The following PCDHA3 variants were observed in gnomAD, a reference collection of about 807,000 sequenced individuals.
PCDHA3 encodes the protein protocadherin alpha 3.
A neutral mutation model predicts 62.2 loss-of-function variants in PCDHA3; 41 were observed. That is an observed-to-expected ratio of 0.66 (90% CI 0.51 to 0.86). The LOEUF is 0.86. PCDHA3 is among the 40% of genes least tolerant of loss of function. PCDHA3 has a pLI of 0.00. For synonymous variants in PCDHA3, 640 were observed against 555.4 expected (o/e 1.15, Z -2.14); for missense variants, 1,304 against 1,241.2 (o/e 1.05, Z -0.76).
intron 1 of PCDHA3, among the ~76,000 whole-genome samples, chr5:140,840,609 G>A (rs1554137827): frequency 1.3e-5 from 2 of 151,994 alleles, no homozygotes; most frequent in Admixed American, 1.3e-4. Context: ...TAAGTGAGAG[G>A]CTGAATTTAA....
intron 1 of PCDHA3, among the ~76,000 whole-genome samples, chr5:140,873,597 T>C (rs2054375206): frequency 6.6e-6 from 1 of 152,354 alleles, no homozygotes; most frequent in Middle Eastern, 3.4e-3. Context: ...TAAACTTAGA[T>C]GTTCCTATTG....
chr5:140,844,369 CCTT>C (rs1275614273), intron 1 of PCDHA3, among the ~76,000 whole-genome samples: 2 of 149,326 alleles, frequency 1.3e-5, no homozygotes, highest in South Asian at 2.1e-4. Flanking sequence ...GATTTGTAAT[CCTT>C]CTTTTAATTC....
chr5:140,850,468 C>A, intron 1 of PCDHA3: 2 of 1,597,912 alleles, frequency 1.3e-6, no homozygotes, highest in Non-Finnish European at 8.6e-7. Flanking sequence ...GGGGAGCCAG[C>A]GCTGACGGCC....
intron 1 of PCDHA3, among the ~76,000 whole-genome samples, chr5:140,818,289 T>C (rs2150100721): frequency 6.6e-6 from 1 of 152,350 alleles, no homozygotes; most frequent in Non-Finnish European, 1.5e-5. Flanking sequence ...AATCCATGTT[T>C]TATTCTGACC....
intron 1 of PCDHA3, chr5:140,868,892 A>G (rs1450985948): frequency 3.9e-6 from 3 of 760,982 alleles, no homozygotes; most frequent in Non-Finnish European, 4.1e-6. Context: ...TTTTAGGCGC[A>G]AGGTGTCGCT....
chr5:140,856,683 C>T, intron 1 of PCDHA3: 1 of 1,597,480 alleles, frequency 6.3e-7, no homozygotes, highest in Non-Finnish European at 8.6e-7. Context: ...TTGTTGTTGA[C>T]AGCAACTGAT....
intron 1 of PCDHA3, chr5:140,859,239 A>G (rs1025873150): frequency 1.3e-5 from 2 of 152,746 alleles, no homozygotes; most frequent in Admixed American, 1.3e-4. Flanking sequence ...AGTCATGCTT[A>G]TGTTTAATAA....
chr5:140,825,383 AATAT>A (rs1355293929), intron 1 of PCDHA3: 2 of 143,660 alleles, frequency 1.4e-5, no homozygotes, highest in Non-Finnish European at 3.0e-5. Context: ...TAAAATATCT[AATAT>A]ATATCTAATA....
chr5:140,966,050 C>T (rs1554228018), intron 1 of PCDHA3, among the ~76,000 whole-genome samples: 3 of 152,206 alleles, frequency 2.0e-5, no homozygotes, highest in African/African-American at 7.2e-5. Context: ...TCGCCAGTAA[C>T]CCCAGAGCGC....
rs1246162498 is a variant in PCDHA3, at chr5:140,856,839, A to G, written c.2394+53248A>G. ...AACCAAACATTAGTAATACGGCTCA[A>G]CGCTTCTGATTCGGATGAAGGAATA... is the stretch of plus-strand genomic sequence containing the variant. On this transcript the variant is annotated intron_variant, in intron 1 of 3. Coordinates refer to ENST00000522353, the MANE Select transcript of PCDHA3 (RefSeq NM_018906.3). 1.3e-6 allele frequency: 2 copies of G among 1,592,670 alleles called. No homozygotes were observed. The highest frequency in any genetic ancestry group is 1.3e-5 in the African/African-American group (1 of 74,342).
intron 1 of PCDHA3, chr5:140,841,708 C>T: frequency 6.2e-7 from 1 of 1,613,888 alleles, no homozygotes. Context: ...TTAATGACAA[C>T]CCGCCAGTGT....
At chr5:140,876,217 G>A (rs976376933) in intron 1 of PCDHA3, 1 of 1,614,006 alleles carries the variant, frequency 6.2e-7, no homozygotes. Flanking sequence ...CAGCTATAAA[G>A]TAGTGTTGTC....
At chr5:140,835,501 G>A in intron 1 of PCDHA3, 2 of 1,613,940 alleles carry the variant, frequency 1.2e-6, no homozygotes, top group Non-Finnish European at 1.7e-6. Flanking sequence ...ACATTGATTA[G>A]CGTGTTTGAC....
At chr5:140,984,751 T>A (rs2097118127) in intron 3 of PCDHA3, among the ~76,000 whole-genome samples, 1 of 152,158 alleles carries the variant, frequency 6.6e-6, no homozygotes. Context: ...CAGATTTGAG[T>A]TGAATTCTAA....
intron 1 of PCDHA3, chr5:140,968,878 T>A (rs1554231201): frequency 6.2e-7 from 1 of 1,614,244 alleles, no homozygotes; most frequent in South Asian, 1.1e-5. Flanking sequence ...ACTCTGAAAT[T>A]ACCCTTTATC....
chr5:140,802,360 C>G lies in PCDHA3; in HGVS notation c.1163C>G (p.Ser388Trp). 6.2e-7 allele frequency: 1 copy of G among 1,614,244 alleles called. No homozygotes were observed. ...GGAGTCAATGGACAGGTCACCTGCTCGCTGACGCCCCACGTCCCCTTCAAG... is the reference window on the plus strand; with the variant it reads ...GGAGTCAATGGACAGGTCACCTGCTGGCTGACGCCCCACGTCCCCTTCAAG... ...DSGVNGQVTC[S>W]LTPHVPFKLV... The change falls in exon 1 of 4, where the codon TCG becomes TGG. Residue 388 changes from serine (S) to tryptophan (W), a missense_variant. Ser to Trp is a radical substitution (Grantham distance 177). Transcript: ENST00000522353.
At chr5:140,841,119 T>C (rs2150311398) in intron 1 of PCDHA3, 1 of 628,942 alleles carries the variant, frequency 1.6e-6, no homozygotes, top group African/African-American at 1.8e-5. Context: ...ATTCATGTAA[T>C]CATTACCTTT....
chr5:140,883,679 G>T (rs781987468), intron 1 of PCDHA3: 1 of 1,613,678 alleles, frequency 6.2e-7, no homozygotes, highest in Non-Finnish European at 8.5e-7. Flanking sequence ...CAATCCGCCG[G>T]GCTGCCACAT....
chr5:140,836,634 T>C (rs1554136166), intron 1 of PCDHA3: 3 of 1,613,416 alleles, frequency 1.9e-6, no homozygotes, highest in Non-Finnish European at 8.5e-7. Context: ...CTGGTCATTC[T>C]CCCAGCAGAG....
Sources: gnomAD v4.1 joint callset for allele counts (sites outside exome capture counted in the v4.1 genomes callset) on GRCh38, gnomAD v4.1.1 for gene constraint, MANE v1.5 for transcripts, NCBI Gene and HGNC (gene_info 2026-07-23, HGNC 2026-07-21) for gene names.